The following DLL4 variants were observed in gnomAD, a reference collection of about 807,000 sequenced individuals.
DLL4 encodes the protein delta like canonical Notch ligand 4.
DLL4 carries 7 observed loss-of-function variants against 73.6 expected under a neutral mutation model. That is an observed-to-expected ratio of 0.10 (90% CI 0.05 to 0.18). DLL4 has a LOEUF of 0.18. DLL4 is among the 10% of genes least tolerant of loss of function. The pLI is 1.00. For missense variants in DLL4, 614 were observed against 929.9 expected (o/e 0.66, Z 4.42); for synonymous variants, 345 against 374.3 (o/e 0.92, Z 0.90).
At chr15:40,933,978 T>C (rs1233021619) in intron 6 of DLL4, among the ~76,000 whole-genome samples, 1 of 127,938 alleles carries the variant, frequency 7.8e-6, no homozygotes, top group Admixed American at 1.0e-4. Flanking sequence ...GTCGTGCCAC[T>C]GCACTCCAGC....
At position 40,936,285 on chromosome 15, in the gene DLL4, C is replaced by G; in HGVS notation, c.1298C>G (p.Thr433Arg). ...ATGTGCCGCTGCCGTCCTGGATTCA[C>G]GGGCACCTACTGTGAACTCCACGTC... ...SRMCRCRPGF[T>R]GTYCELHVSD... is the part of the protein sequence containing the mutation. The change falls in exon 9 of 11, where the codon ACG (threonine) becomes AGG (arginine). Residue 433 changes from threonine to arginine, a missense_variant. This residue lies in a region of DLL4 where 386 missense variants were observed against 541.3 expected (regional missense o/e 0.71). Transcript: ENST00000249749. 6.2e-7 allele frequency: 1 copy of G among 1,609,232 alleles called. No individual in the cohort carries two copies. The highest frequency in any genetic ancestry group is 8.5e-7 in the Non-Finnish European group (1 of 1,178,524).
Position 40,936,877 on chromosome 15 carries a change from G to C in DLL4, c.1890G>C (p.Lys630Asn). 2 of 1,612,862 alleles carry C rather than the reference G, an allele frequency of 1.2e-6. No individual in the cohort carries two copies. Among genetic ancestry groups the C allele is most frequent in the Non-Finnish European group, 1.7e-6 (2 of 1,179,776 alleles). ...GPLGRGTMPG[K>N]FPHSDKSLGE... ...TGGGGCGGGGGACCATGCCAGGAAA[G>C]TTTCCCCACAGTGACAAGAGCTTAG... The change falls in exon 9 of 11, where the codon AAG (lysine) becomes AAC (asparagine). Residue 630 changes from lysine (K) to asparagine (N), a missense_variant. This residue lies in a region of DLL4 where 386 missense variants were observed against 541.3 expected (regional missense o/e 0.71). Coordinates refer to ENST00000249749, the MANE Select transcript of DLL4 (RefSeq NM_019074.4).
intron 3 of DLL4, 135 bp from the exon 4 acceptor site, chr15:40,931,368 C>T (rs1195365202): frequency 1.3e-5 from 14 of 1,104,852 alleles, no homozygotes; most frequent in Admixed American, 6.7e-5. Flanking sequence ...TGCTGGCAGG[C>T]GGGGGTCATC....
chr15:40,933,890 G>A (rs1892804616), intron 6 of DLL4, among the ~76,000 whole-genome samples: 3 of 151,988 alleles, frequency 2.0e-5, no homozygotes, highest in African/African-American at 7.3e-5. Context: ...GCCAGGTGTG[G>A]TGGCAGGCAC....
In DLL4 at chr15:40,934,945, C is replaced by A. The variant is rs776151767; in HGVS notation, c.1068C>A (p.Gly356=). 7 of 1,613,628 alleles carry A rather than the reference C, an allele frequency of 4.3e-6. No homozygotes were observed. The highest frequency in any genetic ancestry group is 4.5e-5 in the East Asian group (2 of 44,904). Reference sequence around the variant, plus strand: ...GCCTGTGTCCTCCGGGCTACTATGGCCTGCATTGTGAACACAGCACCTTGA... The same window carrying A: ...GCCTGTGTCCTCCGGGCTACTATGGACTGCATTGTGAACACAGCACCTTGA... ...YHCLCPPGYY[G]LHCEHSTLSC... The change falls in exon 8 of 11, where the codon GGC becomes GGA. Residue 356 remains glycine, a synonymous_variant. Coordinates refer to ENST00000249749, the MANE Select transcript of DLL4 (RefSeq NM_019074.4).
At position 40,930,579 on chromosome 15, in the gene DLL4, G is replaced by A. The variant is rs754498781; in HGVS notation, c.337-46G>A. ...CCGCAAGGCACCCCCACCTCTCCCC[G>A]CTTGCTCATCTCGCCATCTCTCCGT... On this transcript the variant is annotated intron_variant, in intron 2 of 10. Coordinates refer to ENST00000249749, the MANE Select transcript of DLL4 (RefSeq NM_019074.4). This position sits in a 1 kb window ranked among gnomAD's most constrained non-coding sequence, Gnocchi z 5.7. 1 of 1,551,794 alleles carries A rather than the reference G, an allele frequency of 6.4e-7. No homozygotes were observed. The highest frequency in any genetic ancestry group is 1.1e-5 in the South Asian group (1 of 88,944).
rs1053854074 is a variant in DLL4, at chr15:40,932,161, C to A, written c.659-10C>A. On this transcript the variant is annotated splice_polypyrimidine_tract_variant and intron_variant, in intron 4 of 10. Transcript: ENST00000249749. ...TCCCAGCCTCACCCAGCTCTGTGTT[C>A]TTCCCTTAGCTATCTGTCTTTCGGG... 1 of 1,613,996 alleles carries A rather than the reference C, an allele frequency of 6.2e-7. No individual in the cohort carries two copies. Among genetic ancestry groups the A allele is most frequent in the African/African-American group, 1.3e-5 (1 of 75,054 alleles).
Position 40,936,203 on chromosome 15 carries a change from A to C in DLL4, c.1241-25A>C. 3 of 1,536,448 alleles carry C rather than the reference A, an allele frequency of 2.0e-6. No homozygotes were observed. The South Asian group carries it at 3.7e-5, about 19-fold the overall frequency. On this transcript the variant is annotated intron_variant, in intron 8 of 10. Coordinates refer to ENST00000249749, the MANE Select transcript of DLL4 (RefSeq NM_019074.4). ...CCAGGGAGCTCCCAGGCTATCACTGACTTGTGTCTCATGCGTCCTCACAGG... is the reference window on the plus strand; with the variant it reads ...CCAGGGAGCTCCCAGGCTATCACTGCCTTGTGTCTCATGCGTCCTCACAGG...
chr15:40,930,064 G>C lies in DLL4; in HGVS notation c.284G>C (p.Ser95Thr). ...AACTCCTTCGCTGTCCGGGACGACA[G>C]TAGCGGCGGGGGGCGCAACCCTCTC... ...GTNSFAVRDDSSGGGRNPLQL... is the reference protein window; with the variant it reads ...GTNSFAVRDDTSGGGRNPLQL... Residue 95 changes from serine to threonine, a missense_variant, in exon 2 of 11, where the codon AGT becomes ACT. This residue lies in a region of DLL4 where 227 missense variants were observed against 370.8 expected (regional missense o/e 0.61). Transcript: ENST00000249749. This position sits in a 1 kb window ranked among gnomAD's most constrained non-coding sequence, Gnocchi z 5.7. 1 of 1,610,178 alleles carries C rather than the reference G, an allele frequency of 6.2e-7. No homozygotes were observed. The highest frequency in any genetic ancestry group is 8.5e-7 in the Non-Finnish European group (1 of 1,178,638).
chr15:40,933,340 C>G (rs139544771), intron 6 of DLL4, among the ~76,000 whole-genome samples: 1 of 151,496 alleles, frequency 6.6e-6, no homozygotes. Flanking sequence ...ACTCACACAC[C>G]TGGTTCCTGC....
At chr15:40,936,141 C>A in intron 8 of DLL4, 87 bp from the exon 9 acceptor site, 1 of 1,242,456 alleles carries the variant, frequency 8.0e-7, no homozygotes, top group Non-Finnish European at 1.1e-6. Context: ...TAGAAGGGCC[C>A]GAACGTGTTC....
Position 40,930,508 on chromosome 15 carries a change from C to T in DLL4, c.337-117C>T. ...TGTGCACAGCCCCGTTATGTTGACC[C>T]GGGCGCAGTAACTGAATCCTGCAAT... On this transcript the variant is annotated intron_variant, in intron 2 of 10. Transcript: ENST00000249749. This position sits in a 1 kb window ranked among gnomAD's most constrained non-coding sequence, Gnocchi z 5.7. 1.2e-6 allele frequency: 1 copy of T among 860,428 alleles called. No homozygotes were observed. The highest frequency in any genetic ancestry group is 1.9e-6 in the Non-Finnish European group (1 of 524,764). The allele number at this position is 860,428 out of a possible 1,614,324, so 53.3% of individuals were successfully genotyped here.
rs750557172 is a variant in DLL4, at chr15:40,937,496, G to A, written c.2022G>A (p.Glu674=). 4 of 1,613,402 alleles carry A rather than the reference G, an allele frequency of 2.5e-6. No individual in the cohort carries two copies. Among genetic ancestry groups the A allele is most frequent in the Non-Finnish European group, 3.4e-6 (4 of 1,179,302 alleles). ...ACCAGTCTGTGTGTTTGATATCAGA[G>A]GAGAGGAATGAATGTGTCATTGCCA... ...SMYQSVCLIS[E]ERNECVIATE... The change falls in exon 10 of 11, where the codon GAG becomes GAA. Residue 674 remains glutamate (E), a synonymous_variant. Coordinates refer to ENST00000249749, the MANE Select transcript of DLL4 (RefSeq NM_019074.4).
chr15:40,929,646 T>G lies in DLL4; in HGVS notation c.-23T>G, dbSNP rs897147422. The G allele has an allele frequency of 1.3e-6, 2 of 1,509,358 alleles. No individual in the cohort carries two copies. Among genetic ancestry groups the G allele is most frequent in the African/African-American group, 2.8e-5 (2 of 71,356 alleles). 93.5% of individuals were successfully genotyped at this position (1,509,358 alleles called of 1,614,324 possible). ...CAGAGCCAGATTGAGGGCCCGCGGGTGGAGAGAGCGACGCCCGAGGGGATG... is the reference window on the plus strand; with the variant it reads ...CAGAGCCAGATTGAGGGCCCGCGGGGGGAGAGAGCGACGCCCGAGGGGATG... On this transcript the variant is annotated 5_prime_UTR_variant, in exon 1 of 11. Coordinates refer to ENST00000249749, the MANE Select transcript of DLL4 (RefSeq NM_019074.4). This position sits in a 1 kb window ranked among gnomAD's most constrained non-coding sequence, Gnocchi z 7.1.
At chr15:40,933,251 G>A (rs1013276638) in intron 6 of DLL4, among the ~76,000 whole-genome samples, 4 of 151,338 alleles carry the variant, frequency 2.6e-5, no homozygotes, top group Non-Finnish European at 5.9e-5. Flanking sequence ...CAAGGGGCTT[G>A]GGATTCAGTC....
In DLL4 at chr15:40,932,174, T is replaced by G; in HGVS notation, c.662T>G (p.Ile221Ser). 1 of 1,614,030 alleles carries G rather than the reference T, an allele frequency of 6.2e-7. No individual in the cohort carries two copies. Among genetic ancestry groups the G allele is most frequent in the East Asian group, 2.2e-5 (1 of 44,884 alleles). Residue 221 changes from isoleucine (I) to serine (S), a missense_variant, in exon 5 of 11, where the codon ATC (isoleucine) becomes AGC (serine). Physicochemically the swap from Ile to Ser is moderately radical, Grantham distance 142. Coordinates refer to ENST00000249749, the MANE Select transcript of DLL4 (RefSeq NM_019074.4). ...CAGCTCTGTGTTCTTCCCTTAGCTA[T>G]CTGTCTTTCGGGCTGTCATGAACAG... The part of the protein sequence containing the change: ...GWTGEYCQQP[I>S]CLSGCHEQNG...
chr15:40,931,419 C>A, intron 3 of DLL4, 84 bp from the exon 4 acceptor site: 1 of 1,463,852 alleles, frequency 6.8e-7, no homozygotes, highest in Non-Finnish European at 9.2e-7. Flanking sequence ...ACCATCATCA[C>A]AGCCAAGAAG....
At chr15:40,937,039 T>G in intron 9 of DLL4, 109 bp downstream of exon 9, 15 of 911,844 alleles carry the variant, frequency 1.6e-5, no homozygotes, top group Non-Finnish European at 2.3e-5. Flanking sequence ...GTTTTGTTAC[T>G]GACAGGAAGA....
rs749516742 is a variant in DLL4, at chr15:40,934,894, C to T, written c.1021-4C>T. On this transcript the variant is annotated splice_region_variant and splice_polypyrimidine_tract_variant and intron_variant, in intron 7 of 10. Coordinates refer to ENST00000249749, the MANE Select transcript of DLL4 (RefSeq NM_019074.4). ...ACTTTGGCCCCTTTATGGTCTCTCT[C>T]CAGGACCAGGAGGATGGCTACCACT... 7.4e-6 allele frequency: 12 copies of T among 1,613,300 alleles called. No homozygotes were observed. Among genetic ancestry groups the T allele is most frequent in the Non-Finnish European group, 1.0e-5 (12 of 1,179,720 alleles).
Sources: gnomAD v4.1 joint callset for allele counts (sites outside exome capture counted in the v4.1 genomes callset) on GRCh38, gnomAD v4.1.1 for gene constraint, gnomAD v4.1.1 regional missense constraint, Gnocchi (gnomAD v3.1) non-coding constraint, MANE v1.5 for transcripts, NCBI Gene and HGNC (gene_info 2026-07-23, HGNC 2026-07-21) for gene names.